Variants in PLCB1 observed in about 807,000 individuals in gnomAD.
PLCB1 encodes the protein 1-phosphatidylinositol 4,5-bisphosphate phosphodiesterase beta-1.
In PLCB1, 46 loss-of-function variants were observed where a neutral mutation model predicts 161.8. The ratio of observed to expected loss-of-function variants is 0.28; its 90% confidence interval spans 0.22 to 0.36. The LOEUF is 0.36. PLCB1 is among the 10% of genes least tolerant of loss of function. PLCB1 has a pLI of 1.00. For synonymous variants in PLCB1, 517 were observed against 503.7 expected (o/e 1.03, Z -0.35); for missense variants, 1,016 against 1,472.5 (o/e 0.69, Z 5.07).
chr20:8,198,935 CACAG>C (rs1170196786), intron 2 of PLCB1, among the ~76,000 whole-genome samples: 4 of 151,094 alleles, frequency 2.6e-5, no homozygotes, highest in East Asian at 1.9e-4. Flanking sequence ...AAGACACACA[CACAG>C]ACAGACAGAC....
chr20:8,737,897 C>T (rs1466305219), intron 20 of PLCB1, among the ~76,000 whole-genome samples: 1 of 152,216 alleles, frequency 6.6e-6, no homozygotes, highest in Non-Finnish European at 1.5e-5. Flanking sequence ...GCTTACTATA[C>T]TGTTTACTTC....
At chr20:8,772,290 T>G (rs1049219241) in intron 26 of PLCB1, among the ~76,000 whole-genome samples, 1 of 152,174 alleles carries the variant, frequency 6.6e-6, no homozygotes, top group African/African-American at 2.4e-5. Context: ...TCAAGTGAGC[T>G]TTCTACATAA....
chr20:8,870,046 T>C (rs998488037), intron 31 of PLCB1, among the ~76,000 whole-genome samples: 104 of 152,198 alleles, frequency 6.8e-4, no homozygotes, highest in Non-Finnish European at 1.3e-4. Flanking sequence ...TATTAACCAA[T>C]GTCATCGCAT....
chr20:8,276,890 T>G (rs1158951541), intron 2 of PLCB1, among the ~76,000 whole-genome samples: 1 of 151,982 alleles, frequency 6.6e-6, no homozygotes, highest in Non-Finnish European at 1.5e-5. Context: ...ATTTTAATCT[T>G]AACCCCACTC....
chr20:8,336,428 G>GT (rs1221828736), intron 2 of PLCB1, among the ~76,000 whole-genome samples: 1 of 152,158 alleles, frequency 6.6e-6, no homozygotes, highest in African/African-American at 2.4e-5. Context: ...AGGATTCTCA[G>GT]TGGGATAGTA....
intron 31 of PLCB1, among the ~76,000 whole-genome samples, chr20:8,856,580 G>T (rs1299615673): frequency 6.6e-6 from 1 of 152,132 alleles, no homozygotes; most frequent in Admixed American, 6.5e-5. Flanking sequence ...TCACACCACT[G>T]CACTCCAGCC....
chr20:8,372,918 T>C (rs1986949744), intron 3 of PLCB1, among the ~76,000 whole-genome samples: 1 of 152,212 alleles, frequency 6.6e-6, no homozygotes, highest in Non-Finnish European at 1.5e-5. Flanking sequence ...TCCCCAGGCA[T>C]TGGGAGTCAA....
chr20:8,852,342 G>C (rs1354591269), intron 31 of PLCB1, among the ~76,000 whole-genome samples: 1 of 152,120 alleles, frequency 6.6e-6, no homozygotes, highest in African/African-American at 2.4e-5. Flanking sequence ...AATCCTCCAG[G>C]ACAGAGTTGA....
chr20:8,716,481 AAGG>A (rs1398631675), intron 13 of PLCB1, 133 bp downstream of exon 13: 1 of 714,342 alleles, frequency 1.4e-6, no homozygotes, highest in Non-Finnish European at 2.5e-6. Flanking sequence ...AATCTTTGAC[AAGG>A]AGGATACCAG....
chr20:8,790,264 A>T lies in PLCB1; in HGVS notation c.3423+3A>T. On this transcript the variant is annotated splice_donor_region_variant and intron_variant, in intron 31 of 31. Transcript: ENST00000338037. ...AGATCCTGGATGAAAAGCCCAAGGT[A>T]AACGGAACTGAATTAAAATGAACAA... 2 of 1,602,446 alleles carry T rather than the reference A, an allele frequency of 1.2e-6. No homozygotes were observed.
At chr20:8,311,764 A>G (rs1287897930) in intron 2 of PLCB1, among the ~76,000 whole-genome samples, 1 of 152,090 alleles carries the variant, frequency 6.6e-6, no homozygotes, top group Non-Finnish European at 1.5e-5. Flanking sequence ...GAGGCCAAGG[A>G]GGTGGTGGCT....
intron 2 of PLCB1, among the ~76,000 whole-genome samples, chr20:8,362,983 T>C (rs188017817): frequency 6.6e-6 from 1 of 152,304 alleles, no homozygotes; most frequent in Non-Finnish European, 1.5e-5. Flanking sequence ...TCCTCATCTG[T>C]GTTCTCTTTC....
chr20:8,303,119 C>T (rs955708861), intron 2 of PLCB1, among the ~76,000 whole-genome samples: 1 of 152,138 alleles, frequency 6.6e-6, no homozygotes, highest in Non-Finnish European at 1.5e-5. Flanking sequence ...ATTATATATC[C>T]TCTGTATGTC....
chr20:8,454,812 A>T (rs889169467), intron 3 of PLCB1, among the ~76,000 whole-genome samples: 4 of 152,008 alleles, frequency 2.6e-5, no homozygotes, highest in African/African-American at 9.7e-5. Context: ...TCTCTATAGT[A>T]TTTATCCCCA....
chr20:8,183,420 T>C (rs6039074), intron 2 of PLCB1, among the ~76,000 whole-genome samples: 47,716 of 152,146 alleles, frequency 0.31, 9,687 homozygotes, highest in African/African-American at 0.58. Context: ...TCTGTAATAA[T>C]GTACTACATT....
intron 2 of PLCB1, among the ~76,000 whole-genome samples, chr20:8,332,753 C>A (rs1382798224): frequency 6.6e-6 from 1 of 152,220 alleles, no homozygotes; most frequent in South Asian, 2.1e-4. Context: ...CAGGAACTCT[C>A]AACTCATAGC....
At chr20:8,150,455 C>T (rs1210777087) in intron 2 of PLCB1, 84 bp downstream of exon 2, 18 of 560,272 alleles carry the variant, frequency 3.2e-5, no homozygotes, top group African/African-American at 2.5e-4. Context: ...TATAGAAGAA[C>T]ATCCATTTCA....
intron 2 of PLCB1, among the ~76,000 whole-genome samples, chr20:8,303,850 G>A (rs1450269048): frequency 2.0e-5 from 3 of 152,162 alleles, no homozygotes; most frequent in Non-Finnish European, 2.9e-5. Context: ...TTTGGCAGTA[G>A]GGTCTAGGAT....
intron 3 of PLCB1, among the ~76,000 whole-genome samples, chr20:8,495,955 A>G (rs562477621): frequency 6.0e-4 from 91 of 152,226 alleles, no homozygotes; most frequent in African/African-American, 2.1e-3. Flanking sequence ...ATTAATCACA[A>G]TAGGACATGA....
Sources: gnomAD v4.1 joint callset for allele counts (sites outside exome capture counted in the v4.1 genomes callset) on GRCh38, gnomAD v4.1.1 for gene constraint, MANE v1.5 for transcripts, NCBI Gene and HGNC (gene_info 2026-07-23, HGNC 2026-07-21) for gene names.